EMP2: variants seen among roughly 807,000 people sequenced by gnomAD.
EMP2 encodes the protein epithelial membrane protein 2.
In EMP2, 19 loss-of-function variants were observed where a neutral mutation model predicts 13.7. The observed-to-expected ratio is 1.38, with a 90% CI of 0.97 to 2.03. EMP2 has a LOEUF of 2.03. Among genes scored for constraint, EMP2 ranks in the 30% most tolerant of loss-of-function variants. The pLI, the probability that EMP2 is intolerant of heterozygous loss-of-function variation, is 0.00. For synonymous variants in EMP2, 97 were observed against 84.7 expected (o/e 1.15, Z -0.80); for missense variants, 253 against 220.7 (o/e 1.15, Z -0.93).
chr16:10,533,007 G>A lies in EMP2; in HGVS notation c.402C>T (p.Thr134=), dbSNP rs78031978. Residue 134 remains threonine (T), a synonymous_variant, in exon 5 of 5, where the codon ACC becomes ACT. Transcript: ENST00000359543. ...HDKNAKFYPV[T]REGSYGYSYI... ...AGGAGTAGCCGTAGCTGCCTTCTCT[G>A]GTCACGGGATAGAATTTCGCGTTTT... 1.2e-3 allele frequency: 1,960 copies of A among 1,612,004 alleles called. 24 individuals carry two copies. In the African/African-American group the frequency reaches 0.023, roughly 19 times the overall value.
intron 1 of EMP2, among the ~76,000 whole-genome samples, chr16:10,561,140 A>G (rs539261732): frequency 5.9e-5 from 9 of 152,266 alleles, no homozygotes; most frequent in Admixed American, 4.6e-4. Context: ...GAGCTTCCAG[A>G]AGCAGAAGCA....
At chr16:10,550,060 AT>A (rs1436396014) in intron 1 of EMP2, among the ~76,000 whole-genome samples, 1 of 151,104 alleles carries the variant, frequency 6.6e-6, no homozygotes, top group Non-Finnish European at 1.5e-5. Context: ...TAATTTTTGT[AT>A]TTTTAGTACA....
chr16:10,561,323 C>A (rs2050869631), intron 1 of EMP2, among the ~76,000 whole-genome samples: 2 of 152,174 alleles, frequency 1.3e-5, no homozygotes, highest in African/African-American at 4.8e-5. Flanking sequence ...ATAGTCAGGA[C>A]TGTCACTCAG....
At chr16:10,550,800 C>T (rs1026557514) in intron 1 of EMP2, among the ~76,000 whole-genome samples, 2 of 152,194 alleles carry the variant, frequency 1.3e-5, no homozygotes, top group African/African-American at 4.8e-5. Flanking sequence ...CGTAGTGAAA[C>T]CCTGTCTCTA....
rs867378324 is a variant in EMP2, at chr16:10,547,331, C to G, written c.78+209G>C. The G allele has an allele frequency of 9.4e-5, 51 of 542,874 alleles. No individual in the cohort carries two copies. The Middle Eastern group carries it at 3.1e-3, about 33-fold the overall frequency. The allele number at this position is 542,874 out of a possible 1,614,324, so 33.6% of individuals were successfully genotyped here. A position where few individuals can be genotyped will look rare whatever the true frequency, so the allele number is the denominator to read the frequency against. ...CCTGCACACGCTCTCTTGCCTGCCA[C>G]CATGTAAGATGTGGCTTTGCTCCTC... On this transcript the variant is annotated intron_variant, in intron 2 of 4. Transcript: ENST00000359543.
intron 1 of EMP2, among the ~76,000 whole-genome samples, chr16:10,557,328 G>A (rs927061674): frequency 6.8e-6 from 1 of 147,566 alleles, no homozygotes; most frequent in African/African-American, 2.5e-5. Context: ...CTGCACTCCA[G>A]CCTGGGTGAC....
chr16:10,554,574 G>T (rs1441793825), intron 1 of EMP2, among the ~76,000 whole-genome samples: 2 of 152,174 alleles, frequency 1.3e-5, no homozygotes, highest in East Asian at 3.9e-4. Flanking sequence ...GTTGGATGAA[G>T]ACTGGTCCAC....
chr16:10,537,997 C>T lies in EMP2; in HGVS notation c.247G>A (p.Val83Met), dbSNP rs142722685. The T allele has an allele frequency of 7.1e-5, 115 of 1,613,996 alleles. 1 individual carries two copies. Among genetic ancestry groups the T allele is most frequent in the African/African-American group, 5.3e-4 (40 of 74,980 alleles). The change falls in exon 4 of 5, where the codon GTG (valine) becomes ATG (methionine). Residue 83 changes from valine (V) to methionine (M), a missense_variant. By Grantham distance (21) the Val-to-Met change is conservative. Coordinates refer to ENST00000359543, the MANE Select transcript of EMP2 (RefSeq NM_001424.6). The stretch of plus-strand genomic sequence containing the variant: ...TGCTTCAGGCGGAAGAGCTGGAGCA[C>T]GAAGATGAAGAAGGCGATGCAGCAG... ...ILCCIAFFIF[V>M]LQLFRLKQGE...
Position 10,547,691 on chromosome 16 carries a change from G to C in EMP2, c.-60-14C>G, listed in dbSNP as rs2050750648. ...GAGCGGGATGTGCTGAAGAGGGTAA[G>C]AAAGAGAAATTCAAAATCTGTCAAT... is the stretch of plus-strand genomic sequence containing the variant. On this transcript the variant is annotated splice_polypyrimidine_tract_variant and intron_variant, in intron 1 of 4. Coordinates refer to ENST00000359543, the MANE Select transcript of EMP2 (RefSeq NM_001424.6). 2.8e-6 allele frequency: 4 copies of C among 1,445,174 alleles called. No homozygotes were observed. The highest frequency in any genetic ancestry group is 2.0e-5 in the Admixed American group (1 of 49,476). The allele number at this position is 1,445,174 out of a possible 1,614,324, so 89.5% of individuals were successfully genotyped here.
chr16:10,548,770 T>G (rs1242330067), intron 1 of EMP2, among the ~76,000 whole-genome samples: 1 of 152,088 alleles, frequency 6.6e-6, no homozygotes, highest in Non-Finnish European at 1.5e-5. Context: ...TTAATATATA[T>G]TCCCATTTGA....
chr16:10,551,818 T>C (rs190249378), intron 1 of EMP2, among the ~76,000 whole-genome samples: 34 of 152,202 alleles, frequency 2.2e-4, no homozygotes, highest in African/African-American at 7.9e-4. Context: ...AGCTCTCCTC[T>C]CCAACCATGC....
intron 1 of EMP2, among the ~76,000 whole-genome samples, chr16:10,549,883 C>CTTTTTTTTTTTTTTTTTTTT (rs59259895): frequency 2.4e-4 from 27 of 112,268 alleles, no homozygotes; most frequent in African/African-American, 5.9e-4. Flanking sequence ...TTTTCTTTTT[C>CTTTTTTTTTTTTTTTTTTTT]TTTTTTTTTT....
intron 2 of EMP2, 131 bp from the exon 3 acceptor site, chr16:10,543,791 A>C (rs2050719409): frequency 2.4e-6 from 2 of 820,768 alleles, no homozygotes; most frequent in African/African-American, 3.4e-5. Context: ...TTGCCTGAGG[A>C]GCTTATTCTA....
In EMP2 at chr16:10,528,858, T is replaced by C. The variant is rs2050575707; in HGVS notation, c.*4047A>G. ...CAGTTTCTATCTAGGCCACTGTGTT[T>C]AGTGTGTTTACAAACAGGCTTGGAG... On this transcript the variant is annotated 3_prime_UTR_variant, in exon 5 of 5. Coordinates refer to ENST00000359543, the MANE Select transcript of EMP2 (RefSeq NM_001424.6). The C allele has an allele frequency of 6.6e-6, 1 of 152,210 alleles. No individual in the cohort carries two copies. The highest frequency in any genetic ancestry group is 2.1e-4 in the South Asian group (1 of 4,836). 9.4% of individuals were successfully genotyped at this position (152,210 alleles called of 1,614,324 possible).
chr16:10,576,992 G>A (rs933903919), intron 1 of EMP2, among the ~76,000 whole-genome samples: 6 of 152,212 alleles, frequency 3.9e-5, no homozygotes, highest in African/African-American at 1.4e-4. Context: ...ATCAGCACGG[G>A]AGCACGGAAA....
chr16:10,546,348 G>A (rs1274775617), intron 2 of EMP2: 2 of 152,242 alleles, frequency 1.3e-5, no homozygotes, highest in Admixed American at 6.5e-5. Flanking sequence ...TTGGAACAGT[G>A]TATAGGCTGT....
chr16:10,555,825 G>A (rs1162638320), intron 1 of EMP2, among the ~76,000 whole-genome samples: 1 of 152,160 alleles, frequency 6.6e-6, no homozygotes, highest in Non-Finnish European at 1.5e-5. Context: ...AATCTCGGGT[G>A]ATCTGCCTGC....
rs543358477 is a variant in EMP2, at chr16:10,534,330, C to A, written c.317-1238G>T. 8.5e-5 allele frequency among the ~76,000 whole-genome samples: 13 copies of A among 152,186 alleles called. No homozygotes were observed. The South Asian group carries it at 1.9e-3, about 22-fold the overall frequency. On this transcript the variant is annotated intron_variant, in intron 4 of 4. Transcript: ENST00000359543. ...GGATGGAATGAGCGGAAGTGCTTGA[C>A]GCAGACGCTGCTAAATCAGCTCTAG...
intron 1 of EMP2, among the ~76,000 whole-genome samples, chr16:10,571,546 G>T (rs1019602411): frequency 2.6e-5 from 4 of 152,182 alleles, no homozygotes; most frequent in Non-Finnish European, 4.4e-5. Flanking sequence ...ATCATGTAAG[G>T]CCTGGTTTTT....
Sources: allele counts gnomAD v4.1 joint callset (sites outside exome capture counted in the v4.1 genomes callset), GRCh38; gene constraint gnomAD v4.1.1; transcripts MANE v1.5; gene names NCBI Gene and HGNC (gene_info 2026-07-23, HGNC 2026-07-21).